ZCCHC7: variants seen among roughly 807,000 people sequenced by gnomAD.
The protein encoded by ZCCHC7 is zinc finger CCHC domain-containing protein 7.
A neutral mutation model predicts 52.0 loss-of-function variants in ZCCHC7; 35 were observed. That is an observed-to-expected ratio of 0.67 (90% confidence interval 0.51 to 0.89). The LOEUF is 0.89. ZCCHC7 is among the 40% of genes least tolerant of loss of function. The pLI, the probability that ZCCHC7 is intolerant of heterozygous loss-of-function variation, is 0.00. For missense variants in ZCCHC7, 574 were observed against 649.1 expected (o/e 0.88, Z 1.26); for synonymous variants, 217 against 221.5 (o/e 0.98, Z 0.18).
At chr9:37,127,053 G>T in intron 2 of ZCCHC7, 111 bp downstream of exon 2, 6 of 1,388,584 alleles carry the variant, frequency 4.3e-6, no homozygotes, top group Non-Finnish European at 5.8e-6. Flanking sequence ...TCACTTTTTG[G>T]TCTTGTTTTT....
chr9:37,282,791 C>G (rs572344185), intron 2 of ZCCHC7, among the ~76,000 whole-genome samples: 4 of 150,748 alleles, frequency 2.7e-5, no homozygotes, highest in African/African-American at 9.8e-5. Context: ...ATGTTTTTGC[C>G]ACTGCACTCC....
intron 6 of ZCCHC7, among the ~76,000 whole-genome samples, chr9:37,337,409 C>A (rs1196711577): frequency 1.8e-5 from 2 of 113,774 alleles, no homozygotes; most frequent in African/African-American, 3.3e-5. Flanking sequence ...CCACCCCCCC[C>A]CCCCCCAAAA....
intron 2 of ZCCHC7, among the ~76,000 whole-genome samples, chr9:37,182,989 C>T (rs1822451498): frequency 6.6e-6 from 1 of 152,026 alleles, no homozygotes; most frequent in Admixed American, 6.6e-5. Context: ...ATAGTGAGAC[C>T]CCCAACTCTA....
At chr9:37,251,657 GT>G (rs1826334785) in intron 2 of ZCCHC7, among the ~76,000 whole-genome samples, 1 of 152,200 alleles carries the variant, frequency 6.6e-6, no homozygotes, top group Non-Finnish European at 1.5e-5. Flanking sequence ...GAGAGGTGGT[GT>G]TCAGAGTGAC....
At chr9:37,304,657 GA>G (rs200820613) in intron 4 of ZCCHC7, among the ~76,000 whole-genome samples, 115 of 139,902 alleles carry the variant, frequency 8.2e-4, no homozygotes, top group Middle Eastern at 3.6e-3. Flanking sequence ...CTCTGTCTCA[GA>G]AAAAAAAAAA....
intron 2 of ZCCHC7, among the ~76,000 whole-genome samples, chr9:37,293,664 A>G (rs1828644523): frequency 6.6e-6 from 1 of 152,130 alleles, no homozygotes; most frequent in African/African-American, 2.4e-5. Flanking sequence ...GTTTCTGTTG[A>G]TACATTTTCC....
rs1203251890 is a variant in ZCCHC7, at chr9:37,253,354, A to G, written c.611-48834A>G. Among the ~76,000 whole-genome samples the G allele has an allele frequency of 3.9e-5, 6 of 152,184 alleles. No individual in the cohort carries two copies. In the East Asian group the frequency reaches 1.2e-3, roughly 29 times the overall value. On this transcript the variant is annotated intron_variant, in intron 2 of 8. Transcript: ENST00000336755. ...GAGGTTGGCTTACCAGGATTTATGA[A>G]TAAAGATTGTAGTGTCAATGCAAAT...
At chr9:37,331,511 A>C (rs753200984) in intron 6 of ZCCHC7, among the ~76,000 whole-genome samples, 54 of 151,626 alleles carry the variant, frequency 3.6e-4, no homozygotes, top group Admixed American at 2.6e-3. Flanking sequence ...ATTTGGATTT[A>C]ACTCTAGAAC....
intron 2 of ZCCHC7, among the ~76,000 whole-genome samples, chr9:37,190,176 G>T (rs1364330068): frequency 1.3e-5 from 2 of 152,124 alleles, no homozygotes; most frequent in Non-Finnish European, 2.9e-5. Context: ...TGATGATGAA[G>T]GTTTGTTCCC....
At chr9:37,164,360 A>G (rs1043058348) in intron 2 of ZCCHC7, among the ~76,000 whole-genome samples, 10 of 151,990 alleles carry the variant, frequency 6.6e-5, no homozygotes, top group Admixed American at 2.6e-4. Context: ...CACAAGAATC[A>G]CTTGAACCCA....
chr9:37,135,164 T>C (rs1410073091), intron 2 of ZCCHC7, among the ~76,000 whole-genome samples: 1 of 152,258 alleles, frequency 6.6e-6, no homozygotes, highest in East Asian at 1.9e-4. Context: ...GACTATGAAC[T>C]ATTTTTGTAT....
chr9:37,162,818 A>G (rs1303229203), intron 2 of ZCCHC7, among the ~76,000 whole-genome samples: 2 of 152,228 alleles, frequency 1.3e-5, no homozygotes, highest in Non-Finnish European at 2.9e-5. Context: ...CATGCCTGTC[A>G]TCTCAACACT....
At chr9:37,231,602 CT>C (rs1360388356) in intron 2 of ZCCHC7, among the ~76,000 whole-genome samples, 1 of 152,044 alleles carries the variant, frequency 6.6e-6, no homozygotes, top group African/African-American at 2.4e-5. Context: ...AAAACCAAAC[CT>C]TTATACCTTA....
chr9:37,199,698 GTCTT>G (rs1356070908), intron 2 of ZCCHC7, among the ~76,000 whole-genome samples: 24 of 69,092 alleles, frequency 3.5e-4, no homozygotes, highest in African/African-American at 1.1e-3. Flanking sequence ...CTTTCTGTCT[GTCTT>G]TCTTTCTGTC....
At chr9:37,268,846 G>C (rs546201412) in intron 2 of ZCCHC7, among the ~76,000 whole-genome samples, 1 of 152,304 alleles carries the variant, frequency 6.6e-6, no homozygotes, top group Admixed American at 6.5e-5. Context: ...TATTCATGTG[G>C]TCTTTCAACA....
At chr9:37,270,415 G>A (rs139933568) in intron 2 of ZCCHC7, among the ~76,000 whole-genome samples, 247 of 152,082 alleles carry the variant, frequency 1.6e-3, no homozygotes, top group Non-Finnish European at 2.7e-3. Context: ...AGGAGGCTGG[G>A]CGCGGTGGCT....
chr9:37,152,063 A>G (rs1324793146), intron 2 of ZCCHC7, among the ~76,000 whole-genome samples: 2 of 152,212 alleles, frequency 1.3e-5, no homozygotes, highest in Non-Finnish European at 2.9e-5. Flanking sequence ...CAGTAAGGGC[A>G]GACTAACAGT....
At position 37,357,286 on chromosome 9, in the gene ZCCHC7, G is replaced by A. The variant is rs1297657324; in HGVS notation, c.*18G>A. 6.4e-6 allele frequency: 10 copies of A among 1,565,580 alleles called. No homozygotes were observed. The highest frequency in any genetic ancestry group is 2.2e-5 in the East Asian group (1 of 44,660). On this transcript the variant is annotated 3_prime_UTR_variant, in exon 9 of 9. Transcript: ENST00000336755. ...AGTCTTAAGCCGTCAGGCAGCCTCTGATGTGGCTTTTCATTGTTCATTTGG... is the reference window on the plus strand; with the variant it reads ...AGTCTTAAGCCGTCAGGCAGCCTCTAATGTGGCTTTTCATTGTTCATTTGG...
intron 2 of ZCCHC7, among the ~76,000 whole-genome samples, chr9:37,269,718 A>G (rs1050246747): frequency 7.3e-5 from 11 of 151,572 alleles, no homozygotes; most frequent in African/African-American, 2.7e-4. Context: ...AAGAAAGATT[A>G]TAACTGAATT....
Sources: allele counts gnomAD v4.1 joint callset (sites outside exome capture counted in the v4.1 genomes callset), GRCh38; gene constraint gnomAD v4.1.1; transcripts MANE v1.5; gene names NCBI Gene and HGNC (gene_info 2026-07-23, HGNC 2026-07-21).